The following HENMT1 variants were observed in gnomAD, a reference collection of about 807,000 sequenced individuals.
HENMT1 encodes the protein HEN methyltransferase 1.
A neutral mutation model predicts 31.1 loss-of-function variants in HENMT1; 27 were observed. The ratio of observed to expected loss-of-function variants is 0.87; its 90% confidence interval spans 0.64 to 1.20. HENMT1 has a LOEUF of 1.20. Among genes scored for constraint, HENMT1 ranks in the 50% most tolerant of loss-of-function variants. HENMT1 has a pLI of 0.00. For missense variants in HENMT1, 438 were observed against 469.6 expected (o/e 0.93, Z 0.62); for synonymous variants, 167 against 172.2 (o/e 0.97, Z 0.24).
intron 3 of HENMT1, among the ~76,000 whole-genome samples, 177 bp from the exon 4 acceptor site, chr1:108,655,875 AC>A: frequency 6.6e-6 from 1 of 151,636 alleles, no homozygotes; most frequent in Non-Finnish European, 1.5e-5. Flanking sequence ...ACACACACAC[AC>A]ACACACACAC....
At position 108,658,143 on chromosome 1, in the gene HENMT1, T is replaced by C. The variant is rs185894936; in HGVS notation, c.22-564A>G. 6.2e-3 allele frequency among the ~76,000 whole-genome samples: 915 copies of C among 148,114 alleles called. 9 individuals are homozygous for C. The highest frequency in any genetic ancestry group is 0.021 in the African/African-American group (821 of 40,010). On this transcript the variant is annotated intron_variant, in intron 2 of 7. Coordinates refer to ENST00000651461, the MANE Select transcript of HENMT1 (RefSeq NM_001102592.2). The stretch of plus-strand genomic sequence containing the variant: ...CATATATATATATATATTTTTTTTT[T>C]CCCCCCAAGACGGAGTCTTGCTCTG...
At chr1:108,654,986 T>C (rs1658174027) in intron 4 of HENMT1, 136 bp from the exon 5 acceptor site, 1 of 893,274 alleles carries the variant, frequency 1.1e-6, no homozygotes, top group African/African-American at 1.7e-5. Flanking sequence ...TTTCCTTGTC[T>C]TGACATATTA....
At chr1:108,659,828 A>G in intron 2 of HENMT1, 36 bp downstream of exon 2, 1 of 1,283,550 alleles carries the variant, frequency 7.8e-7, no homozygotes, top group Non-Finnish European at 1.1e-6. Flanking sequence ...GATAATTCTT[A>G]AGAGTCAAAG....
chr1:108,658,640 G>T (rs1301612573), intron 2 of HENMT1, among the ~76,000 whole-genome samples: 1 of 152,028 alleles, frequency 6.6e-6, no homozygotes, highest in Admixed American at 6.6e-5. Context: ...TCAAACCCTG[G>T]CCCCAATCCT....
chr1:108,656,457 A>ACT (rs1658241170), intron 3 of HENMT1, among the ~76,000 whole-genome samples: 1 of 152,146 alleles, frequency 6.6e-6, no homozygotes, highest in Non-Finnish European at 1.5e-5. Context: ...TTATGACTTT[A>ACT]CTCTGAAGTT....
At chr1:108,658,100 TACAC>T (rs200486603) in intron 2 of HENMT1, among the ~76,000 whole-genome samples, 21 of 123,954 alleles carry the variant, frequency 1.7e-4, no homozygotes, top group South Asian at 7.3e-4. Context: ...CACACATATA[TACAC>T]ACACACACAC....
chr1:108,654,006 T>C (rs1658139189), intron 5 of HENMT1, among the ~76,000 whole-genome samples: 1 of 152,216 alleles, frequency 6.6e-6, no homozygotes, highest in Admixed American at 6.5e-5. Flanking sequence ...CTTCCAGTAC[T>C]TTCATAGTTT....
chr1:108,657,029 A>C (rs951736623), intron 3 of HENMT1, among the ~76,000 whole-genome samples: 2 of 152,224 alleles, frequency 1.3e-5, no homozygotes, highest in African/African-American at 4.8e-5. Flanking sequence ...TAAAACTTAG[A>C]TAAGATTCCT....
chr1:108,652,303 C>T (rs1658081009), intron 5 of HENMT1, among the ~76,000 whole-genome samples: 1 of 152,140 alleles, frequency 6.6e-6, no homozygotes, highest in African/African-American at 2.4e-5. Context: ...AGTCTTTGTT[C>T]TCAGAATATA....
rs138071934 is a variant in HENMT1, at chr1:108,650,765, T to C, written c.578+265A>G. ...AGGCTCATTCTCACTGTCCCAAACC[T>C]TCCCTCTGTTTTGTTCCTCATCTCC... On this transcript the variant is annotated intron_variant, in intron 6 of 7. Coordinates refer to ENST00000651461, the MANE Select transcript of HENMT1 (RefSeq NM_001102592.2). 3.3e-3 allele frequency among the ~76,000 whole-genome samples: 497 copies of C among 152,264 alleles called. 4 individuals carry two copies. The highest frequency in any genetic ancestry group is 0.011 in the African/African-American group (477 of 41,532).
In HENMT1 at chr1:108,650,389, C is replaced by T; in HGVS notation, c.579-1G>A. 6.2e-7 allele frequency: 1 copy of T among 1,606,640 alleles called. No individual in the cohort carries two copies. Among genetic ancestry groups the T allele is most frequent in the Middle Eastern group, 1.7e-4 (1 of 6,008 alleles). On this transcript the variant is annotated splice_acceptor_variant, in intron 6 of 7. Coordinates refer to ENST00000651461, the MANE Select transcript of HENMT1 (RefSeq NM_001102592.2). LOFTEE classifies it high-confidence loss of function. ...ATAGCGATTTGCCACATATAAAGCCCTGAAACCAAAACGAGGACAGCAATC... is the reference window on the plus strand; with the variant it reads ...ATAGCGATTTGCCACATATAAAGCCTTGAAACCAAAACGAGGACAGCAATC...
At chr1:108,654,626 AGACCTATTATATTTAG>A in intron 5 of HENMT1, 74 bp downstream of exon 5, 1 of 1,264,818 alleles carries the variant, frequency 7.9e-7, no homozygotes, top group East Asian at 2.4e-5. Flanking sequence ...ACAATAATCA[AGACCTATTATATTTAG>A]GACACTAAGA....
chr1:108,652,779 C>G (rs1005536172), intron 5 of HENMT1, among the ~76,000 whole-genome samples: 9 of 151,980 alleles, frequency 5.9e-5, no homozygotes, highest in Non-Finnish European at 1.3e-4. Flanking sequence ...CCCATCTCTA[C>G]TAAAAATACA....
At chr1:108,657,619 G>A (rs1167663552) in intron 2 of HENMT1, 40 bp from the exon 3 acceptor site, 4 of 1,574,810 alleles carry the variant, frequency 2.5e-6, no homozygotes, top group Non-Finnish European at 3.4e-6. Flanking sequence ...TCTAAATCAT[G>A]CATGACTTCA....
chr1:108,650,099 C>CA (rs764136314), intron 7 of HENMT1, 112 bp downstream of exon 7: 1 of 968,844 alleles, frequency 1.0e-6, no homozygotes, highest in South Asian at 1.3e-5. Context: ...GAGTGAACCA[C>CA]AAAGCAAGGT....
chr1:108,659,284 AGCCCAGGT>A (rs1658364440), intron 2 of HENMT1, among the ~76,000 whole-genome samples: 1 of 152,162 alleles, frequency 6.6e-6, no homozygotes, highest in African/African-American at 2.4e-5. Context: ...TGAAGTTATG[AGCCCAGGT>A]GGTCAGCGTT....
At position 108,655,639 on chromosome 1, in the gene HENMT1, G is replaced by C; in HGVS notation, c.210C>G (p.Cys70Trp). 5.0e-6 allele frequency: 8 copies of C among 1,612,162 alleles called. No homozygotes were observed. The South Asian group carries it at 6.6e-5, about 13-fold the overall frequency. ...SLLRLLKVNP[C>W]IELLVGVDIN... Reference sequence around the variant, plus strand: ...TATCTACTCCAACAAGCAATTCAATGCATGGATTGACTTTTAGCAGCCTTA... The same window carrying C: ...TATCTACTCCAACAAGCAATTCAATCCATGGATTGACTTTTAGCAGCCTTA... Residue 70 changes from cysteine (C) to tryptophan (W), a missense_variant, in exon 4 of 8, where the codon TGC becomes TGG. Cys to Trp is a radical substitution (Grantham distance 215, BLOSUM62 -2). Coordinates refer to ENST00000651461, the MANE Select transcript of HENMT1 (RefSeq NM_001102592.2).
rs760978173 is a variant in HENMT1 at position 108,648,533 on chromosome 1, T to C, written c.*33A>G. ...AATTCTAAGTGAGCACAACTATCGC[T>C]GAGACCCTGAAATTTCAGGAAATAA... On this transcript the variant is annotated 3_prime_UTR_variant, in exon 8 of 8. Transcript: ENST00000651461. 23 of 1,580,150 alleles carry C rather than the reference T, an allele frequency of 1.5e-5. No homozygotes were observed. In the African/African-American group the frequency reaches 3.1e-4, roughly 21 times the overall value.
At chr1:108,653,003 G>C (rs1307950203) in intron 5 of HENMT1, among the ~76,000 whole-genome samples, 1 of 151,044 alleles carries the variant, frequency 6.6e-6, no homozygotes, top group Non-Finnish European at 1.5e-5. Flanking sequence ...TTTTAGGGCT[G>C]AATAGTATTC....
Sources: gnomAD v4.1 joint callset for allele counts (sites outside exome capture counted in the v4.1 genomes callset) on GRCh38, gnomAD v4.1.1 for gene constraint, MANE v1.5 for transcripts, NCBI Gene and HGNC (gene_info 2026-07-23, HGNC 2026-07-21) for gene names.